The following P2RY6 variants were observed in gnomAD, a reference collection of about 807,000 sequenced individuals.
The protein encoded by P2RY6 is P2Y purinoceptor 6.
Under a neutral mutation model 16.3 loss-of-function variants are expected in P2RY6, and 19 were observed. The ratio of observed to expected loss-of-function variants is 1.16; its 90% CI spans 0.81 to 1.71. The LOEUF (loss-of-function observed/expected upper bound fraction) is 1.71. Among genes scored for constraint, P2RY6 ranks in the 40% most tolerant of loss-of-function variants. The pLI is 0.00. For missense variants in P2RY6, 389 were observed against 455.5 expected, an observed-to-expected ratio of 0.85 and a Z score of 1.33; for synonymous variants, 184 against 201.5, an observed-to-expected ratio of 0.91 and a Z score of 0.74.
At chr11:73,293,919 C>T (rs1864374236) in intron 1 of P2RY6, among the ~76,000 whole-genome samples, 1 of 152,116 alleles carries the variant, frequency 6.6e-6, no homozygotes, top group South Asian at 2.1e-4. Flanking sequence ...GCATGTTCTC[C>T]TCCTCACCAC....
intron 1 of P2RY6, among the ~76,000 whole-genome samples, chr11:73,290,360 AAAG>A (rs1195810275): frequency 3.7e-5 from 4 of 107,756 alleles, no homozygotes; most frequent in African/African-American, 1.3e-4. Context: ...AGAAAGAAAG[AAAG>A]AAGGAAAGAA....
chr11:73,287,434 C>T lies in P2RY6; in HGVS notation c.-120-8296C>T, dbSNP rs556276138. 9.8e-5 allele frequency among the ~76,000 whole-genome samples: 15 copies of T among 152,340 alleles called. No individual in the cohort carries two copies. In the East Asian group the frequency reaches 2.5e-3, roughly 25 times the overall value. On this transcript the variant is annotated intron_variant, in intron 1 of 2. Coordinates refer to ENST00000540124, the MANE Select transcript of P2RY6 (RefSeq NM_001277204.2). The stretch of plus-strand genomic sequence containing the variant: ...CACAGACCCATCACTCCCAGATCCC[C>T]AAGACTCTAGAGGGGAGAAGGGGGA...
intron 1 of P2RY6, among the ~76,000 whole-genome samples, chr11:73,287,004 C>T (rs144777408): frequency 1.7e-3 from 252 of 152,274 alleles, no homozygotes; most frequent in African/African-American, 5.8e-3. Context: ...GTGACAGAAT[C>T]CTAGGTTAAA....
intron 1 of P2RY6, among the ~76,000 whole-genome samples, chr11:73,277,592 T>C (rs1453529628): frequency 6.6e-6 from 1 of 152,230 alleles, no homozygotes; most frequent in Admixed American, 6.5e-5. Context: ...AATATCAGCA[T>C]TTGTCCCAAT....
At chr11:73,277,273 C>A (rs1312336634) in intron 1 of P2RY6, among the ~76,000 whole-genome samples, 1 of 152,026 alleles carries the variant, frequency 6.6e-6, no homozygotes, top group Non-Finnish European at 1.5e-5. Context: ...GCCACCACAC[C>A]TGGCTAATTT....
In P2RY6 at chr11:73,296,560, A is replaced by G. The variant is rs371868187; in HGVS notation, c.42A>G (p.Pro14=). ...GCACAGGCCAGGCTCTGGGCTTGCC[A>G]CCCACCACCTGTGTCTACCGCGAGA... ...DNGTGQALGL[P]PTTCVYRENF... Residue 14 remains proline, a synonymous_variant, in exon 3 of 3, where the codon CCA becomes CCG. Coordinates refer to ENST00000540124, the MANE Select transcript of P2RY6 (RefSeq NM_001277204.2). The G allele has an allele frequency of 1.5e-5, 24 of 1,614,144 alleles. No homozygotes were observed. The highest frequency in any genetic ancestry group is 1.9e-5 in the Non-Finnish European group (22 of 1,180,018).
chr11:73,265,310 A>C (rs556240092), intron 1 of P2RY6: 1 of 152,300 alleles, frequency 6.6e-6, no homozygotes, highest in Non-Finnish European at 1.5e-5. Context: ...CCTCTCACAC[A>C]TACAAACACA....
At chr11:73,287,315 A>G (rs1346026407) in intron 1 of P2RY6, among the ~76,000 whole-genome samples, 1 of 152,222 alleles carries the variant, frequency 6.6e-6, no homozygotes, top group African/African-American at 2.4e-5. Flanking sequence ...AAGCGCCAGA[A>G]TTGACTCTGA....
At chr11:73,292,380 G>A (rs1395545611) in intron 1 of P2RY6, among the ~76,000 whole-genome samples, 1 of 152,228 alleles carries the variant, frequency 6.6e-6, no homozygotes, top group Non-Finnish European at 1.5e-5. Flanking sequence ...TGGTGAGTGA[G>A]CTATTGAATG....
At chr11:73,288,446 A>C (rs1864055670) in intron 1 of P2RY6, among the ~76,000 whole-genome samples, 1 of 152,206 alleles carries the variant, frequency 6.6e-6, no homozygotes, top group Non-Finnish European at 1.5e-5. Flanking sequence ...GAAGTGGGAA[A>C]GGAGTAGAAA....
chr11:73,282,787 G>A (rs1863817815), intron 1 of P2RY6, among the ~76,000 whole-genome samples: 1 of 152,188 alleles, frequency 6.6e-6, no homozygotes, highest in Non-Finnish European at 1.5e-5. Flanking sequence ...GAGGGAGGAA[G>A]GGAGCAAAGG....
intron 1 of P2RY6, among the ~76,000 whole-genome samples, chr11:73,290,436 A>G (rs982914308): frequency 2.6e-5 from 4 of 152,254 alleles, no homozygotes; most frequent in African/African-American, 9.6e-5. Flanking sequence ...CTGTAATCCC[A>G]ACACTTTGGG....
At chr11:73,274,925 C>A (rs1863474051) in intron 1 of P2RY6, among the ~76,000 whole-genome samples, 1 of 152,270 alleles carries the variant, frequency 6.6e-6, no homozygotes, top group South Asian at 2.1e-4. Flanking sequence ...GCAGCCCAGG[C>A]TCTGGCTCTC....
At chr11:73,296,030 G>A (rs777241473) in intron 2 of P2RY6, among the ~76,000 whole-genome samples, 13 of 151,838 alleles carry the variant, frequency 8.6e-5, no homozygotes, top group African/African-American at 1.2e-4. Context: ...TTCTAACCTC[G>A]TGACATCCCT....
Position 73,298,100 on chromosome 11 carries a change from G to C in P2RY6, c.*595G>C, listed in dbSNP as rs1430935352. On this transcript the variant is annotated 3_prime_UTR_variant, in exon 3 of 3. Coordinates refer to ENST00000540124, the MANE Select transcript of P2RY6 (RefSeq NM_001277204.2). Reference sequence around the variant, plus strand: ...AACATCAGGGTTGTGACAGAGGGAAGCATGGCTGGGGGGAGGGGGTACACA... The same window carrying C: ...AACATCAGGGTTGTGACAGAGGGAACCATGGCTGGGGGGAGGGGGTACACA... 1 of 168,354 alleles carries C rather than the reference G, an allele frequency of 5.9e-6. No individual in the cohort carries two copies. Among genetic ancestry groups the C allele is most frequent in the Non-Finnish European group, 1.4e-5 (1 of 69,206 alleles). 10.4% of individuals were successfully genotyped at this position (168,354 alleles called of 1,614,324 possible).
At chr11:73,266,114 A>G (rs1863094652) in intron 1 of P2RY6, among the ~76,000 whole-genome samples, 1 of 152,186 alleles carries the variant, frequency 6.6e-6, no homozygotes. Flanking sequence ...CAGTGATTCC[A>G]ATAAGCTGTG....
intron 1 of P2RY6, among the ~76,000 whole-genome samples, chr11:73,290,630 A>AC (rs1310098765): frequency 6.6e-6 from 1 of 152,224 alleles, no homozygotes; most frequent in Non-Finnish European, 1.5e-5. Flanking sequence ...GCCTTTGCCC[A>AC]CACTGGGCCT....
At chr11:73,287,042 A>G (rs1863998284) in intron 1 of P2RY6, among the ~76,000 whole-genome samples, 1 of 152,220 alleles carries the variant, frequency 6.6e-6, no homozygotes, top group Non-Finnish European at 1.5e-5. Context: ...GGAGTTTATC[A>G]GCTCATGACA....
intron 1 of P2RY6, among the ~76,000 whole-genome samples, chr11:73,266,454 C>A (rs1033039913): frequency 2.0e-5 from 3 of 152,180 alleles, no homozygotes; most frequent in Non-Finnish European, 4.4e-5. Flanking sequence ...TGAGGAAAGT[C>A]CAGTACAGGA....
Sources: gnomAD v4.1 joint callset for allele counts (sites outside exome capture counted in the v4.1 genomes callset) on GRCh38, gnomAD v4.1.1 for gene constraint, MANE v1.5 for transcripts, NCBI Gene and HGNC (gene_info 2026-07-23, HGNC 2026-07-21) for gene names.